RIC3: variants seen among roughly 807,000 people sequenced by gnomAD.
RIC3 encodes the protein RIC3 acetylcholine receptor chaperone.
In RIC3, 28 loss-of-function variants were observed where a neutral mutation model predicts 27.3. The ratio of observed to expected loss-of-function variants is 1.02; its 90% CI spans 0.76 to 1.41. The LOEUF (loss-of-function observed/expected upper bound fraction) is 1.41. RIC3 is among the 40% of genes most tolerant of loss of function. The pLI, the probability that RIC3 is intolerant of heterozygous loss-of-function variation, is 0.00. For missense variants in RIC3, 501 were observed against 444.7 expected (o/e 1.13, Z -1.14); for synonymous variants, 184 against 160.4 (o/e 1.15, Z -1.11).
chr11:8,106,619 A>ACC lies in RIC3; in HGVS notation c.*4077_*4078dup, dbSNP rs1564940037. The ACC allele has an allele frequency of 6.6e-6, 1 of 152,264 alleles. No individual in the cohort carries two copies. The highest frequency in any genetic ancestry group is 2.4e-5 in the African/African-American group (1 of 41,458). 9.4% of individuals were successfully genotyped at this position (152,264 alleles called of 1,614,324 possible). On this transcript the variant is annotated 3_prime_UTR_variant, in exon 6 of 6. Coordinates refer to ENST00000309737, the MANE Select transcript of RIC3 (RefSeq NM_001206671.4). The stretch of plus-strand genomic sequence containing the variant: ...AGATGAAAAAGGTATAAAAGACCCA[A>ACC]CCACTTGATGTCTCAGGGCTTGCTT...
the RIC3 span, chr11:8,100,589 C>T: frequency 1.9e-6 from 3 of 1,613,962 alleles, no homozygotes; most frequent in African/African-American, 1.3e-5. Context: ...GAGTCTCTAT[C>T]CGCCCCCGCA....
downstream of RIC3, chr11:8,105,265 C>A (rs1023329114): frequency 1.3e-5 from 2 of 152,194 alleles, no homozygotes; most frequent in Admixed American, 6.5e-5. Context: ...TTACACTTCT[C>A]CAGATAGCTG....
At chr11:8,097,284 C>T in the RIC3 span, 12 of 1,614,046 alleles carry the variant, frequency 7.4e-6, no homozygotes, top group Admixed American at 1.7e-5. Context: ...ACGTTGAGGT[C>T]CAGGATCTTG....
At chr11:8,101,689 C>T (rs777102349), downstream of RIC3, 80 of 1,574,032 alleles carry the variant, frequency 5.1e-5, no homozygotes, top group Non-Finnish European at 6.8e-5. Context: ...TGGAGACAGC[C>T]CTGCCTATCC....
chr11:8,152,220 T>C (rs1038856899), intron 1 of RIC3, among the ~76,000 whole-genome samples: 1 of 152,190 alleles, frequency 6.6e-6, no homozygotes, highest in Admixed American at 6.5e-5. Context: ...TAGAGGACCA[T>C]GTGACCCAGA....
At chr11:8,139,072 A>T (rs1948742183) in intron 2 of RIC3, 1 of 152,326 alleles carries the variant, frequency 6.6e-6, no homozygotes, top group African/African-American at 2.4e-5. Context: ...GAGGAAATTA[A>T]ATGTACGTCC....
At chr11:8,127,976 C>A (rs758147746) in intron 4 of RIC3, among the ~76,000 whole-genome samples, 5 of 152,080 alleles carry the variant, frequency 3.3e-5, no homozygotes, top group Non-Finnish European at 7.4e-5. Context: ...AAATGGAAAA[C>A]ACCACGAGCT....
chr11:8,100,873 T>C, the RIC3 span: 1 of 1,613,582 alleles, frequency 6.2e-7, no homozygotes, highest in Non-Finnish European at 8.5e-7. Context: ...ACACGGAGAG[T>C]ATCATCGAGC....
At chr11:8,165,782 G>GGT (rs1951635734) in intron 1 of RIC3, among the ~76,000 whole-genome samples, 1 of 87,558 alleles carries the variant, frequency 1.1e-5, no homozygotes, top group East Asian at 3.6e-4. Flanking sequence ...TTTTTGTTTT[G>GGT]TTTTGTTTTT....
chr11:8,097,440 G>C, the RIC3 span: 1 of 1,614,186 alleles, frequency 6.2e-7, no homozygotes, highest in East Asian at 2.2e-5. Context: ...GGTTGGTCTG[G>C]GCATGTTATC....
At chr11:8,122,429 T>A (rs1946556907) in intron 5 of RIC3, among the ~76,000 whole-genome samples, 1 of 151,122 alleles carries the variant, frequency 6.6e-6, no homozygotes, top group South Asian at 2.1e-4. Flanking sequence ...TCATTCCTTT[T>A]TATTGCTAAG....
At chr11:8,135,997 T>C (rs976307579) in intron 4 of RIC3, among the ~76,000 whole-genome samples, 1 of 152,216 alleles carries the variant, frequency 6.6e-6, no homozygotes, top group East Asian at 1.9e-4. Context: ...TCAATTATTA[T>C]TGTACACTCA....
chr11:8,110,174 G>C lies in RIC3; in HGVS notation c.*524C>G. 5.5e-6 allele frequency: 1 copy of C among 182,954 alleles called. No homozygotes were observed. 11.3% of individuals were successfully genotyped at this position (182,954 alleles called of 1,614,324 possible). ...GCTGCGAGGAAGAGGCTTCAGCTTA[G>C]ACAGCAGAGTCTTACCCTCCTCTGG... On this transcript the variant is annotated 3_prime_UTR_variant, in exon 6 of 6. Transcript: ENST00000309737.
chr11:8,136,404 T>TAA (rs1322218389), intron 4 of RIC3, among the ~76,000 whole-genome samples: 3 of 152,190 alleles, frequency 2.0e-5, no homozygotes, highest in East Asian at 3.8e-4. Flanking sequence ...CTAATATTCT[T>TAA]CCTCCATCCT....
At chr11:8,127,534 T>C (rs1947132232) in intron 4 of RIC3, among the ~76,000 whole-genome samples, 1 of 152,228 alleles carries the variant, frequency 6.6e-6, no homozygotes, top group South Asian at 2.1e-4. Context: ...CCCAACTTAC[T>C]TGTGTGGTTC....
intron 1 of RIC3, among the ~76,000 whole-genome samples, chr11:8,167,981 G>A (rs1324358595): frequency 2.0e-5 from 3 of 152,176 alleles, no homozygotes; most frequent in Non-Finnish European, 4.4e-5. Context: ...AAAGCAGACG[G>A]AAGTGGATTA....
intron 1 of RIC3, among the ~76,000 whole-genome samples, chr11:8,155,548 C>T (rs1050452427): frequency 1.3e-5 from 2 of 151,896 alleles, no homozygotes; most frequent in African/African-American, 2.4e-5. Flanking sequence ...TGCACTCCAG[C>T]GTAGGTGACA....
intron 1 of RIC3, among the ~76,000 whole-genome samples, chr11:8,164,422 A>C (rs896694580): frequency 1.3e-5 from 2 of 152,192 alleles, no homozygotes; most frequent in East Asian, 3.8e-4. Context: ...ATATTTGCAA[A>C]TCATATATCT....
chr11:8,116,371 G>C (rs1945865597), intron 5 of RIC3, among the ~76,000 whole-genome samples: 1 of 152,142 alleles, frequency 6.6e-6, no homozygotes, highest in South Asian at 2.1e-4. Context: ...CATTGGTCTG[G>C]ACAATGATAT....
Sources: allele counts gnomAD v4.1 joint callset (sites outside exome capture counted in the v4.1 genomes callset), GRCh38; gene constraint gnomAD v4.1.1; transcripts MANE v1.5; gene names NCBI Gene and HGNC (gene_info 2026-07-23, HGNC 2026-07-21).